Variants in ATG5 observed in about 807,000 individuals in gnomAD.
ATG5 encodes the protein autophagy protein 5.
ATG5 carries 14 observed loss-of-function variants against 36.5 expected under a neutral mutation model. The ratio of observed to expected loss-of-function variants is 0.38; its 90% CI spans 0.25 to 0.60. ATG5 has a LOEUF of 0.60. Ranked by LOEUF, ATG5 falls within the 20% of genes least tolerant of loss-of-function variation. ATG5 has a pLI of 0.60. For synonymous variants in ATG5, 95 were observed against 101.5 expected (o/e 0.94, Z 0.38); for missense variants, 195 against 326.7 (o/e 0.60, Z 3.11).
chr6:106,320,898 G>A (rs958717572), intron 1 of ATG5, among the ~76,000 whole-genome samples: 26 of 152,296 alleles, frequency 1.7e-4, no homozygotes, highest in African/African-American at 5.1e-4. Flanking sequence ...AGGCTAGCCA[G>A]GTAGTAATTT....
chr6:106,287,401 CA>C (rs2114617934), intron 4 of ATG5, among the ~76,000 whole-genome samples: 1 of 152,360 alleles, frequency 6.6e-6, no homozygotes, highest in South Asian at 2.1e-4. Flanking sequence ...GCTTGAAAGA[CA>C]GTTGGTTCAA....
intron 5 of ATG5, among the ~76,000 whole-genome samples, chr6:106,264,916 T>C (rs986823979): frequency 1.3e-5 from 2 of 151,728 alleles, no homozygotes; most frequent in Non-Finnish European, 2.9e-5. Context: ...ACCAACACTA[T>C]GAAAAAACTG....
chr6:106,198,257 A>G (rs1776278797), intron 7 of ATG5, among the ~76,000 whole-genome samples: 1 of 152,234 alleles, frequency 6.6e-6, no homozygotes, highest in Non-Finnish European at 1.5e-5. Flanking sequence ...GGAAAATGGC[A>G]ACACTGGTTG....
chr6:106,242,402 G>C (rs1208734708), intron 6 of ATG5, among the ~76,000 whole-genome samples: 1 of 152,158 alleles, frequency 6.6e-6, no homozygotes, highest in Non-Finnish European at 1.5e-5. Context: ...AGGTACCTAT[G>C]GATGTCAAAT....
intron 6 of ATG5, among the ~76,000 whole-genome samples, chr6:106,221,388 C>G (rs1777240287): frequency 1.3e-5 from 2 of 151,966 alleles, no homozygotes; most frequent in Non-Finnish European, 2.9e-5. Context: ...AAACTTTTAT[C>G]AAATGTCAAA....
At chr6:106,248,392 CCATAAA>C in intron 5 of ATG5, 148 bp from the exon 6 acceptor site, 1 of 541,260 alleles carries the variant, frequency 1.8e-6, no homozygotes, top group Non-Finnish European at 3.2e-6. Flanking sequence ...ACTTATCTTT[CCATAAA>C]CATAAAGCAA....
intron 7 of ATG5, among the ~76,000 whole-genome samples, chr6:106,187,875 T>C (rs1775832375): frequency 6.6e-6 from 1 of 152,042 alleles, no homozygotes; most frequent in South Asian, 2.1e-4. Flanking sequence ...AATACTACAG[T>C]TGATAAAAGA....
chr6:106,276,224 G>C (rs1229709675), intron 5 of ATG5, among the ~76,000 whole-genome samples: 1 of 152,134 alleles, frequency 6.6e-6, no homozygotes, highest in African/African-American at 2.4e-5. Context: ...CAGCACTTTG[G>C]GAGGCCGAGG....
intron 6 of ATG5, among the ~76,000 whole-genome samples, chr6:106,241,224 G>C (rs892296290): frequency 2.0e-5 from 3 of 152,146 alleles, no homozygotes; most frequent in African/African-American, 4.8e-5. Context: ...AATGGGCAAA[G>C]GACTTGAATA....
At chr6:106,186,708 A>T (rs748337769) in intron 7 of ATG5, 32 bp from the exon 8 acceptor site, 2 of 1,607,078 alleles carry the variant, frequency 1.2e-6, no homozygotes, top group Non-Finnish European at 8.5e-7. Context: ...ACAACAATAA[A>T]AGTCAAAACA....
At chr6:106,197,644 C>T (rs1369058338) in intron 7 of ATG5, among the ~76,000 whole-genome samples, 1 of 152,068 alleles carries the variant, frequency 6.6e-6, no homozygotes, top group Non-Finnish European at 1.5e-5. Flanking sequence ...AAGCCTGGCA[C>T]CACCCTGCTC....
chr6:106,262,320 T>C (rs1779054668), intron 5 of ATG5, among the ~76,000 whole-genome samples: 1 of 152,078 alleles, frequency 6.6e-6, no homozygotes, highest in South Asian at 2.1e-4. Flanking sequence ...CACCTCGGCC[T>C]CCCAAAGTGC....
At chr6:106,284,730 T>TG (rs920863496) in intron 4 of ATG5, among the ~76,000 whole-genome samples, 5 of 149,220 alleles carry the variant, frequency 3.4e-5, no homozygotes, top group Non-Finnish European at 7.5e-5. Context: ...TTTTTTTTGT[T>TG]TTTTTTTTTT....
intron 6 of ATG5, among the ~76,000 whole-genome samples, chr6:106,217,219 T>C (rs1718379597): frequency 6.6e-6 from 1 of 152,196 alleles, no homozygotes; most frequent in African/African-American, 2.4e-5. Flanking sequence ...TTAAAAATTG[T>C]ATAGCATCAT....
At chr6:106,212,275 A>G (rs902048603) in intron 6 of ATG5, among the ~76,000 whole-genome samples, 2 of 152,256 alleles carry the variant, frequency 1.3e-5, no homozygotes, top group Non-Finnish European at 2.9e-5. Context: ...TTTACAATTT[A>G]TAACTCTAAT....
chr6:106,248,683 C>G (rs1778446153), intron 5 of ATG5, among the ~76,000 whole-genome samples: 1 of 152,298 alleles, frequency 6.6e-6, no homozygotes, highest in Non-Finnish European at 1.5e-5. Context: ...CGCCTGTAAT[C>G]ACAGCACTTT....
chr6:106,295,768 T>C (rs1450313948), intron 3 of ATG5, among the ~76,000 whole-genome samples: 1 of 152,072 alleles, frequency 6.6e-6, no homozygotes, highest in Non-Finnish European at 1.5e-5. Flanking sequence ...CCAACTATGT[T>C]GCCCAGGCTG....
intron 6 of ATG5, among the ~76,000 whole-genome samples, chr6:106,207,155 T>C (rs1776665899): frequency 6.6e-6 from 1 of 152,224 alleles, no homozygotes; most frequent in Non-Finnish European, 1.5e-5. Flanking sequence ...AAATGTATGT[T>C]AGTCATTTCT....
intron 7 of ATG5, among the ~76,000 whole-genome samples, chr6:106,198,410 T>C (rs1055965408): frequency 1.3e-5 from 2 of 152,146 alleles, no homozygotes; most frequent in African/African-American, 4.8e-5. Context: ...GTTATTTAAC[T>C]GAACACAATC....
Sources: allele counts gnomAD v4.1 joint callset (sites outside exome capture counted in the v4.1 genomes callset), GRCh38; gene constraint gnomAD v4.1.1; transcripts MANE v1.5; gene names NCBI Gene and HGNC (gene_info 2026-07-23, HGNC 2026-07-21).